Variants in HS3ST5 observed in about 807,000 individuals in gnomAD.
HS3ST5 encodes heparan sulfate glucosamine 3-O-sulfotransferase 5.
Under a neutral mutation model 25.4 loss-of-function variants are expected in HS3ST5, and 10 were observed. The ratio of observed to expected loss-of-function variants is 0.39; its 90% CI spans 0.24 to 0.67. The LOEUF is 0.67. Ranked by LOEUF, HS3ST5 falls within the 30% of genes least tolerant of loss-of-function variation. The probability of loss-of-function intolerance (pLI) is 0.44; values close to 1 mark genes in which losing one functional copy is unlikely to be tolerated. For missense variants in HS3ST5, 324 were observed against 420.7 expected, an observed-to-expected ratio of 0.77 and a Z score of 2.01; for synonymous variants, 170 against 162.4, an observed-to-expected ratio of 1.05 and a Z score of -0.36.
At chr6:114,340,899 ATTAC>A (rs1015049738) in intron 1 of HS3ST5, among the ~76,000 whole-genome samples, 10 of 152,092 alleles carry the variant, frequency 6.6e-5, no homozygotes, top group African/African-American at 2.4e-4. Flanking sequence ...CCAGCTGTTT[ATTAC>A]TTCTAGCAAA....
intron 1 of HS3ST5, among the ~76,000 whole-genome samples, chr6:114,268,422 T>C (rs971630167): frequency 6.6e-6 from 1 of 152,144 alleles, no homozygotes; most frequent in Non-Finnish European, 1.5e-5. Context: ...CAGTATATAT[T>C]TCCTAAGAGG....
intron 1 of HS3ST5, among the ~76,000 whole-genome samples, chr6:114,274,272 T>C (rs542323581): frequency 1.4e-4 from 22 of 152,068 alleles, no homozygotes; most frequent in Admixed American, 5.9e-4. Context: ...AGAGAGACAA[T>C]AGAGAAGATA....
At chr6:114,159,455 A>G (rs186535192) in intron 3 of HS3ST5, among the ~76,000 whole-genome samples, 10 of 152,338 alleles carry the variant, frequency 6.6e-5, no homozygotes, top group African/African-American at 2.2e-4. Context: ...TGTCAAAAAC[A>G]TTATGCCAAG....
intron 3 of HS3ST5, among the ~76,000 whole-genome samples, chr6:114,079,762 ATTTCTTTTCT>A (rs765701008): frequency 6.6e-6 from 1 of 151,918 alleles, no homozygotes; most frequent in Non-Finnish European, 1.5e-5. Context: ...TATGAAATAT[ATTTCTTTTCT>A]TTTCTTTTCT....
At chr6:114,285,591 G>A (rs943887286) in intron 1 of HS3ST5, among the ~76,000 whole-genome samples, 3 of 151,948 alleles carry the variant, frequency 2.0e-5, no homozygotes, top group African/African-American at 7.3e-5. Context: ...GATAAATACT[G>A]CATGATTCCA....
At chr6:114,192,953 G>A (rs1780572823) in intron 2 of HS3ST5, among the ~76,000 whole-genome samples, 1 of 151,990 alleles carries the variant, frequency 6.6e-6, no homozygotes, top group Admixed American at 6.6e-5. Context: ...TAATCTAAGT[G>A]TTTTTTTCAT....
intron 2 of HS3ST5, among the ~76,000 whole-genome samples, chr6:114,217,949 A>G (rs1781846498): frequency 6.6e-6 from 1 of 152,182 alleles, no homozygotes; most frequent in South Asian, 2.1e-4. Flanking sequence ...TTAAGTTACC[A>G]TCTTGTATGA....
rs1298818141 is a variant in HS3ST5, at chr6:114,186,922, A to C, written c.-144-18460T>G. 2.0e-5 allele frequency among the ~76,000 whole-genome samples: 3 copies of C among 152,332 alleles called. No individual in the cohort carries two copies. In the East Asian group the frequency reaches 5.8e-4, roughly 29 times the overall value. ...ATTAGAGCCCTTGAGAATTATGCCAAATCTACTCTGCCTGAGCTCTATAAA... is the reference window on the plus strand; with the variant it reads ...ATTAGAGCCCTTGAGAATTATGCCACATCTACTCTGCCTGAGCTCTATAAA... On this transcript the variant is annotated intron_variant, in intron 2 of 4. Transcript: ENST00000312719.
intron 1 of HS3ST5, among the ~76,000 whole-genome samples, chr6:114,277,390 T>C (rs191377172): frequency 1.3e-5 from 2 of 150,538 alleles, no homozygotes; most frequent in African/African-American, 4.8e-5. Context: ...GAGGAAATAT[T>C]AGGTTGGTGC....
intron 3 of HS3ST5, among the ~76,000 whole-genome samples, chr6:114,160,506 TATGA>T (rs1194406610): frequency 1.3e-5 from 2 of 152,036 alleles, no homozygotes; most frequent in Non-Finnish European, 2.9e-5. Context: ...GAGACAGAAG[TATGA>T]TTCTCCCTGG....
chr6:114,339,371 A>G (rs9488372), intron 1 of HS3ST5, among the ~76,000 whole-genome samples: 9,094 of 152,224 alleles, frequency 0.06, 833 homozygotes, highest in African/African-American at 0.2. Context: ...AAGAGCATCA[A>G]ATAAAATTCA....
chr6:114,104,728 CAGA>C (rs1262135171), intron 3 of HS3ST5, among the ~76,000 whole-genome samples: 3 of 152,170 alleles, frequency 2.0e-5, no homozygotes, highest in Admixed American at 6.5e-5. Flanking sequence ...AACAAATATA[CAGA>C]AGAAGGAGAA....
intron 1 of HS3ST5, among the ~76,000 whole-genome samples, chr6:114,298,152 C>A (rs1313423891): frequency 6.6e-6 from 1 of 152,002 alleles, no homozygotes; most frequent in African/African-American, 2.4e-5. Flanking sequence ...AATTTCCTTA[C>A]TATTAGAAGG....
At chr6:114,262,450 G>A (rs1396982356) in intron 1 of HS3ST5, among the ~76,000 whole-genome samples, 3 of 152,012 alleles carry the variant, frequency 2.0e-5, no homozygotes, top group East Asian at 3.9e-4. Context: ...GGGAGGCTGA[G>A]GCAGGAGAAT....
chr6:114,217,522 T>C (rs1361447770), intron 2 of HS3ST5, among the ~76,000 whole-genome samples: 1 of 152,180 alleles, frequency 6.6e-6, no homozygotes, highest in Non-Finnish European at 1.5e-5. Context: ...GAGTTCAAAG[T>C]GTTCATGGCA....
intron 3 of HS3ST5, chr6:114,131,374 T>C (rs1238084892): frequency 1.3e-5 from 2 of 152,206 alleles, no homozygotes; most frequent in Admixed American, 6.5e-5. Flanking sequence ...AAAAGTAAAC[T>C]TTTAAAAAGT....
chr6:114,190,047 T>C (rs539854446), intron 2 of HS3ST5, among the ~76,000 whole-genome samples: 2 of 152,298 alleles, frequency 1.3e-5, no homozygotes, highest in East Asian at 3.9e-4. Context: ...AAGCTGTGAG[T>C]CTCAACATTC....
intron 3 of HS3ST5, among the ~76,000 whole-genome samples, chr6:114,101,488 AT>A (rs1471858525): frequency 1.3e-5 from 2 of 152,160 alleles, no homozygotes; most frequent in Non-Finnish European, 2.9e-5. Context: ...CCTTTTGTTG[AT>A]TTACAGTGCC....
intron 3 of HS3ST5, among the ~76,000 whole-genome samples, chr6:114,139,327 G>A (rs192313994): frequency 6.6e-6 from 1 of 152,088 alleles, no homozygotes; most frequent in African/African-American, 2.4e-5. Context: ...TAGGTGGGAA[G>A]AGCGGTTGGA....
Sources: allele counts gnomAD v4.1 joint callset (sites outside exome capture counted in the v4.1 genomes callset), GRCh38; gene constraint gnomAD v4.1.1; transcripts MANE v1.5; gene names NCBI Gene and HGNC (gene_info 2026-07-23, HGNC 2026-07-21).